RBM6: variants seen among roughly 807,000 people sequenced by gnomAD.
The protein encoded by RBM6 is RNA-binding protein 6.
RBM6 carries 23 observed loss-of-function variants against 140.4 expected under a neutral mutation model. That is an observed-to-expected ratio of 0.16 (90% CI 0.12 to 0.23). The LOEUF (loss-of-function observed/expected upper bound fraction) is 0.23. Among genes scored for constraint, RBM6 ranks in the 10% least tolerant of loss-of-function variants. The probability of loss-of-function intolerance (pLI) is 1.00; values close to 1 mark genes in which losing one functional copy is unlikely to be tolerated. For synonymous variants in RBM6, 439 were observed against 475.6 expected, an observed-to-expected ratio of 0.92 and a Z score of 1.00; for missense variants, 1,139 against 1,386.7, an observed-to-expected ratio of 0.82 and a Z score of 2.84.
chr3:49,949,797 A>C (rs1241640029), intron 1 of RBM6, among the ~76,000 whole-genome samples: 1 of 151,976 alleles, frequency 6.6e-6, no homozygotes, highest in Admixed American at 6.6e-5. Flanking sequence ...CTGAGCTACC[A>C]CGCCCAGCCT....
intron 6 of RBM6, among the ~76,000 whole-genome samples, chr3:50,040,493 TACACACAC>T (rs1553661202): frequency 2.3e-5 from 2 of 85,880 alleles, no homozygotes; most frequent in African/African-American, 4.6e-5. Flanking sequence ...TATATATATA[TACACACAC>T]ACACACACAC....
At position 49,968,228 on chromosome 3, in the gene RBM6, A is replaced by G. The variant is rs1206790357; in HGVS notation, c.803A>G (p.Asp268Gly). Residue 268 changes from aspartate to glycine, a missense_variant, in exon 3 of 21, where the codon GAT (aspartate) becomes GGT (glycine). This residue lies in a region of RBM6 where 566 missense variants were observed against 612.7 expected (regional missense o/e 0.92). Transcript: ENST00000266022. ...RGRHRSRTDQ[D>G]FRGREMGSCM... is the part of the protein sequence containing the mutation. ...AGACACCGATCTAGGACTGATCAGGATTTTAGGGGCAGAGAGATGGGATCT... is the reference window on the plus strand; with the variant it reads ...AGACACCGATCTAGGACTGATCAGGGTTTTAGGGGCAGAGAGATGGGATCT... 2.5e-6 allele frequency: 4 copies of G among 1,614,104 alleles called. No homozygotes were observed. Among genetic ancestry groups the G allele is most frequent in the Non-Finnish European group, 3.4e-6 (4 of 1,180,030 alleles).
chr3:49,995,303 C>T (rs1351055345), intron 5 of RBM6, among the ~76,000 whole-genome samples: 6 of 152,080 alleles, frequency 3.9e-5, no homozygotes, highest in Non-Finnish European at 4.4e-5. Context: ...CGGTGGCTCA[C>T]GCCTGTAATC....
At chr3:50,076,737 T>C (rs1457717091) in intron 20 of RBM6, among the ~76,000 whole-genome samples, 4 of 151,762 alleles carry the variant, frequency 2.6e-5, no homozygotes, top group African/African-American at 7.3e-5. Flanking sequence ...AATACAAAAA[T>C]TAGCCGGGCG....
At chr3:50,044,301 A>G (rs1011342472) in intron 6 of RBM6, among the ~76,000 whole-genome samples, 1 of 152,102 alleles carries the variant, frequency 6.6e-6, no homozygotes, top group East Asian at 1.9e-4. Context: ...ATGTGTGAAG[A>G]TACTCTAATA....
intron 20 of RBM6, 140 bp downstream of exon 20, chr3:50,075,470 A>G: frequency 1.7e-6 from 2 of 1,160,368 alleles, no homozygotes; most frequent in Non-Finnish European, 2.4e-6. Context: ...TGAACACTTT[A>G]GCCTTGAATA....
Position 49,967,611 on chromosome 3 carries a change from G to C in RBM6, c.186G>C (p.Gly62=), listed in dbSNP as rs768213882. Residue 62 remains glycine (G), a synonymous_variant, in exon 3 of 21, where the codon GGG becomes GGC. Transcript: ENST00000266022. The surrounding 1 kb of genome is among the most constrained non-coding windows in gnomAD (Gnocchi z 4.0). ...CCTTTGATTTCCAGGGGCATTCGGGGCCTCCTTTTGCAAATGTAGAGGAGC... is the reference window on the plus strand; with the variant it reads ...CCTTTGATTTCCAGGGGCATTCGGGCCCTCCTTTTGCAAATGTAGAGGAGC... The part of the protein sequence containing the change: ...SLPFDFQGHS[G]PPFANVEEHS... 2 of 1,614,128 alleles carry C rather than the reference G, an allele frequency of 1.2e-6. No individual in the cohort carries two copies. Among genetic ancestry groups the C allele is most frequent in the East Asian group, 2.2e-5 (1 of 44,886 alleles).
intron 17 of RBM6, among the ~76,000 whole-genome samples, chr3:50,066,920 T>A (rs2090141346): frequency 6.7e-6 from 1 of 149,276 alleles, no homozygotes; most frequent in Non-Finnish European, 1.5e-5. Flanking sequence ...CCTAGTGGTT[T>A]ACACCTGTAA....
At chr3:50,000,679 A>G (rs1016246454) in intron 6 of RBM6, among the ~76,000 whole-genome samples, 3 of 152,030 alleles carry the variant, frequency 2.0e-5, no homozygotes, top group Non-Finnish European at 2.9e-5. Context: ...TCGGCCTCCC[A>G]AAGTCCTGGG....
intron 6 of RBM6, among the ~76,000 whole-genome samples, chr3:50,014,621 A>G (rs992604481): frequency 6.6e-6 from 1 of 152,174 alleles, no homozygotes; most frequent in Non-Finnish European, 1.5e-5. Context: ...AGGGCCATCT[A>G]CTGGATCCTG....
At chr3:49,942,150 A>T (rs1320438762) in intron 1 of RBM6, among the ~76,000 whole-genome samples, 1 of 151,710 alleles carries the variant, frequency 6.6e-6, no homozygotes, top group Non-Finnish European at 1.5e-5. Flanking sequence ...ATTTTTATGT[A>T]TGTTTATGTA....
intron 6 of RBM6, among the ~76,000 whole-genome samples, chr3:50,026,885 T>G (rs1298492642): frequency 1.5e-5 from 2 of 132,990 alleles, no homozygotes; most frequent in African/African-American, 3.1e-5. Flanking sequence ...GGTGACAGAG[T>G]GAGACCTTGT....
intron 5 of RBM6, among the ~76,000 whole-genome samples, chr3:49,981,340 T>C (rs1183195000): frequency 6.6e-6 from 1 of 152,200 alleles, no homozygotes; most frequent in Non-Finnish European, 1.5e-5. Context: ...TGGGAACTTG[T>C]TGGAATCCAA....
intron 6 of RBM6, among the ~76,000 whole-genome samples, chr3:50,026,187 C>T (rs182988038): frequency 4.2e-4 from 63 of 151,328 alleles, no homozygotes; most frequent in African/African-American, 1.3e-3. Context: ...CGGGTTCAAG[C>T]GATTCTTCTA....
At chr3:49,947,275 G>GTT (rs2083536612) in intron 1 of RBM6, among the ~76,000 whole-genome samples, 3 of 48,750 alleles carry the variant, frequency 6.2e-5, no homozygotes, top group Admixed American at 3.8e-4. Flanking sequence ...GGGGGGGGGG[G>GTT]GGTTTTGAGC....
chr3:50,054,704 C>T (rs1028287923), intron 8 of RBM6, among the ~76,000 whole-genome samples: 11 of 152,002 alleles, frequency 7.2e-5, no homozygotes, highest in East Asian at 1.9e-4. Flanking sequence ...TTAGTAGAGA[C>T]GGGGTTTCAC....
intron 5 of RBM6, among the ~76,000 whole-genome samples, chr3:49,976,381 T>G (rs1428659073): frequency 6.6e-6 from 1 of 152,230 alleles, no homozygotes; most frequent in East Asian, 1.9e-4. Flanking sequence ...AGAAATAATT[T>G]GTTCTGTAAT....
chr3:50,061,887 C>T lies in RBM6; in HGVS notation c.2440-75C>T, dbSNP rs1002438545. ...AGTTGTTTCTTCCCCTAAAAGGGAA[C>T]TGTGCGCCTTAGACCTGGAATTGCT... On this transcript the variant is annotated intron_variant, in intron 14 of 20. Transcript: ENST00000266022. 8.4e-6 allele frequency: 13 copies of T among 1,538,820 alleles called. No homozygotes were observed. The South Asian group carries it at 1.5e-4, about 18-fold the overall frequency.
intron 1 of RBM6, among the ~76,000 whole-genome samples, chr3:49,955,962 G>A (rs532174202): frequency 2.3e-4 from 35 of 151,216 alleles, no homozygotes; most frequent in Non-Finnish European, 4.0e-4. Flanking sequence ...TACTGATAAG[G>A]ACTTTTGCCA....
Sources: allele counts gnomAD v4.1 joint callset (sites outside exome capture counted in the v4.1 genomes callset), GRCh38; gene constraint gnomAD v4.1.1; regional missense constraint gnomAD v4.1.1; non-coding constraint Gnocchi (gnomAD v3.1); transcripts MANE v1.5; gene names NCBI Gene and HGNC (gene_info 2026-07-23, HGNC 2026-07-21).